UVRAG: variants seen among roughly 807,000 people sequenced by gnomAD.
UVRAG encodes the protein UV radiation resistance-associated gene protein.
A neutral mutation model predicts 78.0 loss-of-function variants in UVRAG; 19 were observed. The ratio of observed to expected loss-of-function variants is 0.24; its 90% CI spans 0.17 to 0.36. The LOEUF is 0.36. Among genes scored for constraint, UVRAG ranks in the 10% least tolerant of loss-of-function variants. The pLI is 1.00. For synonymous variants in UVRAG, 323 were observed against 324.6 expected (o/e 1.00, Z 0.05); for missense variants, 740 against 853.8 (o/e 0.87, Z 1.66).
At chr11:75,949,743 A>G (rs1948653083) in intron 6 of UVRAG, among the ~76,000 whole-genome samples, 1 of 149,988 alleles carries the variant, frequency 6.7e-6, no homozygotes, top group Admixed American at 6.7e-5. Flanking sequence ...ATACACATAT[A>G]TATATACACA....
intron 7 of UVRAG, among the ~76,000 whole-genome samples, chr11:75,965,562 G>A (rs377249452): frequency 2.0e-5 from 3 of 152,256 alleles, no homozygotes; most frequent in Non-Finnish European, 2.9e-5. Flanking sequence ...TGGTCTGCCC[G>A]CCTTGGCCTC....
chr11:75,997,817 G>T (rs1279333421), intron 8 of UVRAG, among the ~76,000 whole-genome samples: 2 of 152,196 alleles, frequency 1.3e-5, no homozygotes, highest in East Asian at 3.8e-4. Flanking sequence ...TTGAGATCAA[G>T]AATTAAGTAG....
intron 12 of UVRAG, among the ~76,000 whole-genome samples, chr11:76,030,147 A>G (rs180918086): frequency 2.0e-4 from 31 of 151,856 alleles, no homozygotes; most frequent in African/African-American, 6.8e-4. Flanking sequence ...ATACTGGGAA[A>G]CAAAAAAAAA....
chr11:75,947,939 A>G (rs990137164), intron 6 of UVRAG, among the ~76,000 whole-genome samples: 1 of 152,190 alleles, frequency 6.6e-6, no homozygotes, highest in South Asian at 2.1e-4. Context: ...AATATATTCT[A>G]TGTGCCAGGC....
chr11:76,129,378 A>T (rs1952472565), intron 14 of UVRAG, among the ~76,000 whole-genome samples: 1 of 152,184 alleles, frequency 6.6e-6, no homozygotes, highest in Non-Finnish European at 1.5e-5. Flanking sequence ...TTCTTATCTC[A>T]TTCGGAGGGT....
At chr11:76,073,907 T>C (rs1235631995) in intron 13 of UVRAG, among the ~76,000 whole-genome samples, 3 of 152,152 alleles carry the variant, frequency 2.0e-5, no homozygotes, top group Non-Finnish European at 4.4e-5. Context: ...AAACAACACA[T>C]GGTAACAATG....
intron 14 of UVRAG, 82 bp downstream of exon 14, chr11:76,116,097 A>G (rs1002811386): frequency 1.9e-5 from 25 of 1,310,010 alleles, no homozygotes; most frequent in Non-Finnish European, 2.6e-5. Flanking sequence ...ACATTGCTCC[A>G]CACCTGCCTC....
chr11:76,043,700 A>G (rs982497621), intron 12 of UVRAG, among the ~76,000 whole-genome samples: 1 of 152,240 alleles, frequency 6.6e-6, no homozygotes, highest in African/African-American at 2.4e-5. Context: ...AGAAGTGTAC[A>G]TAGAATTCTG....
At chr11:75,885,101 A>G (rs1191712708) in intron 4 of UVRAG, among the ~76,000 whole-genome samples, 1 of 152,050 alleles carries the variant, frequency 6.6e-6, no homozygotes, top group African/African-American at 2.4e-5. Context: ...TTTTATGCTA[A>G]TTTAAATGGT....
intron 1 of UVRAG, among the ~76,000 whole-genome samples, chr11:75,847,477 GC>G (rs148671788): frequency 0.019 from 2,885 of 151,802 alleles, 80 homozygotes; most frequent in African/African-American, 0.066. Flanking sequence ...CTATGTTGTT[GC>G]CTAGGCTGAT....
At chr11:75,853,959 G>T (rs1946223741) in intron 2 of UVRAG, among the ~76,000 whole-genome samples, 1 of 151,586 alleles carries the variant, frequency 6.6e-6, no homozygotes, top group African/African-American at 2.4e-5. Context: ...TTTTAGTAGA[G>T]ACAGGGTTTC....
chr11:76,016,740 G>T, intron 11 of UVRAG, 75 bp from the exon 12 acceptor site: 1 of 1,262,468 alleles, frequency 7.9e-7, no homozygotes, highest in Non-Finnish European at 1.0e-6. Context: ...AATATTCTTT[G>T]AAAATTATTT....
At chr11:76,030,445 G>A (rs907077824) in intron 12 of UVRAG, among the ~76,000 whole-genome samples, 11 of 152,150 alleles carry the variant, frequency 7.2e-5, no homozygotes, top group African/African-American at 2.2e-4. Flanking sequence ...AAGTAGTCAC[G>A]TAAGCATGTG....
At chr11:75,875,409 G>A (rs1052940599) in intron 3 of UVRAG, among the ~76,000 whole-genome samples, 2 of 149,080 alleles carry the variant, frequency 1.3e-5, no homozygotes, top group Non-Finnish European at 3.0e-5. Context: ...GGTTTTATGT[G>A]TTCTGATATG....
At chr11:76,001,537 A>C (rs1057007532) in intron 8 of UVRAG, among the ~76,000 whole-genome samples, 1 of 152,224 alleles carries the variant, frequency 6.6e-6, no homozygotes, top group Non-Finnish European at 1.5e-5. Context: ...GATCACTAAA[A>C]TTGATAAACC....
chr11:75,931,505 A>G (rs554510031), intron 6 of UVRAG, among the ~76,000 whole-genome samples: 62 of 152,342 alleles, frequency 4.1e-4, no homozygotes, highest in African/African-American at 1.5e-3. Context: ...TGCACCTGGC[A>G]TATTTTAAAA....
intron 6 of UVRAG, among the ~76,000 whole-genome samples, chr11:75,951,173 A>G (rs1948688743): frequency 6.6e-6 from 1 of 152,000 alleles, no homozygotes; most frequent in South Asian, 2.1e-4. Context: ...ATCCATCTCA[A>G]ATTAATCTGT....
intron 5 of UVRAG, among the ~76,000 whole-genome samples, chr11:75,900,675 C>T (rs181300679): frequency 2.0e-5 from 3 of 152,248 alleles, no homozygotes; most frequent in Non-Finnish European, 4.4e-5. Context: ...TTTCAGTCCT[C>T]ATGTCATGGA....
chr11:75,979,198 C>T (rs1232515933), intron 7 of UVRAG, among the ~76,000 whole-genome samples: 1 of 152,198 alleles, frequency 6.6e-6, no homozygotes, highest in Non-Finnish European at 1.5e-5. Flanking sequence ...GCAAATATTG[C>T]AGAACGGCAA....
Sources: gnomAD v4.1 joint callset for allele counts (sites outside exome capture counted in the v4.1 genomes callset) on GRCh38, gnomAD v4.1.1 for gene constraint, MANE v1.5 for transcripts, NCBI Gene and HGNC (gene_info 2026-07-23, HGNC 2026-07-21) for gene names.